The following CP variants were observed in gnomAD, a reference collection of about 807,000 sequenced individuals.
CP encodes the protein caeruloplasmin.
A neutral mutation model predicts 122.4 loss-of-function variants in CP; 64 were observed. That is an observed-to-expected ratio of 0.52 (90% CI 0.43 to 0.64). The LOEUF is 0.64. Ranked by LOEUF, CP falls within the 30% of genes least tolerant of loss-of-function variation. The pLI, the probability that CP is intolerant of heterozygous loss-of-function variation, is 0.00. For synonymous variants in CP, 440 were observed against 436.4 expected (o/e 1.01, Z -0.10); for missense variants, 1,167 against 1,284.4 (o/e 0.91, Z 1.40).
At chr3:149,217,843 A>G (rs190534628) in intron 1 of CP, 1 of 428,932 alleles carries the variant, frequency 2.3e-6, no homozygotes, top group Admixed American at 2.9e-5. Context: ...ACTCAAGATC[A>G]TAATTATAGT....
intron 1 of CP, among the ~76,000 whole-genome samples, chr3:149,214,281 C>T (rs533474136): frequency 2.6e-4 from 40 of 152,104 alleles, no homozygotes; most frequent in Non-Finnish European, 5.3e-4. Flanking sequence ...GTACCATGGC[C>T]ACTTGGCAAT....
intron 1 of CP, among the ~76,000 whole-genome samples, chr3:149,219,544 G>A (rs1387083479): frequency 6.6e-6 from 1 of 152,246 alleles, no homozygotes; most frequent in African/African-American, 2.4e-5. Flanking sequence ...TGCCATGTAA[G>A]ACGTGCCTTT....
At chr3:149,183,433 C>G in intron 13 of CP, 33 bp downstream of exon 13, 2 of 1,607,272 alleles carry the variant, frequency 1.2e-6, no homozygotes, top group Non-Finnish European at 1.7e-6. Flanking sequence ...ACATCATTAA[C>G]CCACACCTGA....
Position 149,185,301 on chromosome 3 carries a change from C to T in CP, c.2223G>A (p.Val741=). The change falls in exon 12 of 19, where the codon GTG becomes GTA. Residue 741 remains valine (V), a synonymous_variant. Coordinates refer to ENST00000264613, the MANE Select transcript of CP (RefSeq NM_000096.4). ...CCCTTTGTGGGGAATAATCCCATTC[C>T]ACCTCCACTGCTGCGATATAGTATG... ...ERTYYIAAVE[V]EWDYSPQREW... 3.1e-6 allele frequency: 5 copies of T among 1,613,966 alleles called. No individual in the cohort carries two copies. The highest frequency in any genetic ancestry group is 4.2e-6 in the Non-Finnish European group (5 of 1,180,016).
intron 5 of CP, among the ~76,000 whole-genome samples, chr3:149,164,307 A>T (rs887246108): frequency 6.6e-6 from 1 of 152,128 alleles, no homozygotes; most frequent in African/African-American, 2.4e-5. Context: ...GTTAGTGTTG[A>T]CTTACACATT....
chr3:149,182,642 G>C (rs1725861705), intron 13 of CP, among the ~76,000 whole-genome samples: 1 of 152,102 alleles, frequency 6.6e-6, no homozygotes. Context: ...AGTGTTGCTC[G>C]AGTTCTAGAC....
chr3:149,216,534 T>C (rs1428983717), intron 1 of CP, among the ~76,000 whole-genome samples: 1 of 152,192 alleles, frequency 6.6e-6, no homozygotes, highest in East Asian at 1.9e-4. Context: ...CTCATCCTGT[T>C]CACAGGTTCT....
At chr3:149,212,735 T>C in intron 1 of CP, 37 bp from the exon 2 acceptor site, 3 of 1,608,210 alleles carry the variant, frequency 1.9e-6, no homozygotes, top group Non-Finnish European at 1.7e-6. Flanking sequence ...TCAGAAGCCA[T>C]CATTTCTAGG....
chr3:149,167,892 G>A (rs1280253490), downstream of CP: 3 of 1,571,162 alleles, frequency 1.9e-6, no homozygotes, highest in Non-Finnish European at 1.8e-6. Flanking sequence ...TCCTAAGATA[G>A]ACTCTGTGGT....
intron 9 of CP, among the ~76,000 whole-genome samples, chr3:149,191,290 T>A (rs559861721): frequency 3.3e-5 from 5 of 150,790 alleles, no homozygotes; most frequent in Middle Eastern, 3.4e-3. Context: ...TCTGAAGTTA[T>A]CTATTTCATT....
chr3:149,203,985 G>A (rs941298457), intron 6 of CP, among the ~76,000 whole-genome samples: 1 of 152,140 alleles, frequency 6.6e-6, no homozygotes, highest in Non-Finnish European at 1.5e-5. Context: ...TTAGCAAGAT[G>A]AAGTGTGTGT....
intron 11 of CP, chr3:149,186,214 G>A (rs762150934): frequency 2.4e-6 from 1 of 417,320 alleles, no homozygotes; most frequent in Non-Finnish European, 4.5e-6. Context: ...TCCCCTTCTA[G>A]TCTGATTTTC....
At position 149,205,621 on chromosome 3, in the gene CP, T is replaced by A. The variant is rs145173949; in HGVS notation, c.1208+547A>T. Among the ~76,000 whole-genome samples the A allele has an allele frequency of 5.3e-5, 8 of 152,202 alleles. No homozygotes were observed. The East Asian group carries it at 1.5e-3, about 29-fold the overall frequency. On this transcript the variant is annotated intron_variant, in intron 6 of 18. Transcript: ENST00000264613. ...ATGAACAAATCTTAAAACATTATGCTAAGTGATATAAAAGACACAAAAGAA... is the reference window on the plus strand; with the variant it reads ...ATGAACAAATCTTAAAACATTATGCAAAGTGATATAAAAGACACAAAAGAA...
At chr3:149,186,445 C>T (rs1576742207) in intron 11 of CP, 75 bp downstream of exon 11, 1 of 1,388,522 alleles carries the variant, frequency 7.2e-7, no homozygotes, top group East Asian at 2.3e-5. Context: ...TATCACCCAA[C>T]ACATTCTGCT....
rs746527390 is a variant in CP at position 149,188,193 on chromosome 3, C to T, written c.1723G>A (p.Asp575Asn). 3.1e-6 allele frequency: 5 copies of T among 1,610,924 alleles called. No individual in the cohort carries two copies. The South Asian group carries it at 5.5e-5, about 18-fold the overall frequency. The change falls in exon 10 of 19, where the codon GAC (aspartate) becomes AAC (asparagine). Residue 575 changes from aspartate to asparagine, a missense_variant. Physicochemically the swap from Asp to Asn is conservative, Grantham distance 23. Transcript: ENST00000264613. ...LHANGRQKDVDKEFYLFPTVF... is the reference protein window; with the variant it reads ...LHANGRQKDVNKEFYLFPTVF... Reference sequence around the variant, plus strand: ...GTAGGAAACAAATAGAATTCCTTGTCTACATCTTTCTGTAAATCAAAACAA... The same window carrying T: ...GTAGGAAACAAATAGAATTCCTTGTTTACATCTTTCTGTAAATCAAAACAA...
intron 3 of CP, 124 bp downstream of exon 3, chr3:149,210,043 A>T (rs879547382): frequency 1.0e-5 from 9 of 882,604 alleles, no homozygotes; most frequent in African/African-American, 1.7e-5. Context: ...CTTTTTTTCT[A>T]CTTACCACCT....
chr3:149,162,788 A>T (rs536290881), exon 6 of CP: 1 of 1,613,842 alleles, frequency 6.2e-7, no homozygotes, highest in East Asian at 2.2e-5. Flanking sequence ...TACTTCAGGA[A>T]CTCTTTTTCA....
chr3:149,195,296 G>C (rs535478160), intron 9 of CP, among the ~76,000 whole-genome samples: 2 of 152,278 alleles, frequency 1.3e-5, no homozygotes, highest in South Asian at 4.1e-4. Context: ...TAAGCATTTA[G>C]CTTTTGTCCC....
intron 1 of CP, among the ~76,000 whole-genome samples, chr3:149,217,089 C>T (rs961585970): frequency 6.6e-6 from 1 of 151,756 alleles, no homozygotes; most frequent in African/African-American, 2.4e-5. Flanking sequence ...TTAGTAGAGA[C>T]GGGATTTCAC....
Sources: gnomAD v4.1 joint callset for allele counts (sites outside exome capture counted in the v4.1 genomes callset) on GRCh38, gnomAD v4.1.1 for gene constraint, MANE v1.5 for transcripts, NCBI Gene and HGNC (gene_info 2026-07-23, HGNC 2026-07-21) for gene names.